The following SPRING1 variants were observed in gnomAD, a reference collection of about 807,000 sequenced individuals.
SPRING1 encodes the protein SREBP regulating gene protein.
Under a neutral mutation model 24.7 loss-of-function variants are expected in SPRING1, and 14 were observed. That is an observed-to-expected ratio of 0.57 (90% CI 0.37 to 0.88). The LOEUF (loss-of-function observed/expected upper bound fraction) is 0.88. Ranked by LOEUF, SPRING1 falls within the 40% of genes least tolerant of loss-of-function variation. The pLI is 0.00. For missense variants in SPRING1, 255 were observed against 268.4 expected (o/e 0.95, Z 0.35); for synonymous variants, 93 against 106.1 (o/e 0.88, Z 0.76).
At chr12:116,734,314 A>C (rs1871127599) in intron 1 of SPRING1, among the ~76,000 whole-genome samples, 1 of 152,212 alleles carries the variant, frequency 6.6e-6, no homozygotes, top group African/African-American at 2.4e-5. Flanking sequence ...CTTAGAGCCT[A>C]GGAGGAATAG....
At position 116,738,040 on chromosome 12, in the gene SPRING1, C is replaced by T. The variant is rs543408182; in HGVS notation, c.-140G>A. On this transcript the variant is annotated 5_prime_UTR_variant, in exon 1 of 5. Coordinates refer to ENST00000261318, the MANE Select transcript of SPRING1 (RefSeq NM_024738.4). Reference sequence around the variant, plus strand: ...CCGCCGCCCGCAGCCCAGTCTGCTCCCGGCAGCCTTGGGCGCAGCCCCACG... The same window carrying T: ...CCGCCGCCCGCAGCCCAGTCTGCTCTCGGCAGCCTTGGGCGCAGCCCCACG... 14 of 1,095,554 alleles carry T rather than the reference C, an allele frequency of 1.3e-5. No individual in the cohort carries two copies. Among genetic ancestry groups the T allele is most frequent in the Non-Finnish European group, 1.3e-5 (12 of 901,866 alleles). 67.9% of individuals were successfully genotyped at this position (1,095,554 alleles called of 1,614,324 possible).
rs562697095 is a variant in SPRING1 at position 116,712,333 on chromosome 12, A to G, written c.*5477T>C. 2.7e-4 allele frequency: 41 copies of G among 152,354 alleles called. No homozygotes were observed. The highest frequency in any genetic ancestry group is 9.4e-4 in the African/African-American group (39 of 41,566). The allele number at this position is 152,354 out of a possible 1,614,324, so 9.4% of individuals were successfully genotyped here. ...GACGCAGTCGGCCCATATGCACGTCACCACTCGGCTCCCAGCTCAGGTGCA... is the reference window on the plus strand; with the variant it reads ...GACGCAGTCGGCCCATATGCACGTCGCCACTCGGCTCCCAGCTCAGGTGCA... On this transcript the variant is annotated 3_prime_UTR_variant, in exon 5 of 5. Coordinates refer to ENST00000261318, the MANE Select transcript of SPRING1 (RefSeq NM_024738.4).
intron 1 of SPRING1, among the ~76,000 whole-genome samples, chr12:116,737,323 G>A (rs1488112128): frequency 1.3e-5 from 2 of 152,132 alleles, no homozygotes; most frequent in South Asian, 2.1e-4. Context: ...GGAAAAAGAG[G>A]AGGAAGGGAA....
rs902027347 is a variant in SPRING1, at chr12:116,731,072, G to A, written c.111+6718C>T. Among the ~76,000 whole-genome samples the A allele has an allele frequency of 5.3e-5, 8 of 152,348 alleles. No homozygotes were observed. In the South Asian group the frequency reaches 6.2e-4, roughly 12 times the overall value. ...CCCATCATATTTCTGTAGGCAGAAC[G>A]TACTGTTAGGCATATTTCCCATTTC... On this transcript the variant is annotated intron_variant, in intron 1 of 4. Transcript: ENST00000261318.
chr12:116,733,395 G>A (rs1366908504), intron 1 of SPRING1, among the ~76,000 whole-genome samples: 1 of 142,158 alleles, frequency 7.0e-6, no homozygotes, highest in Non-Finnish European at 1.5e-5. Context: ...TGTTAGCCAG[G>A]ATGATCTCAA....
At chr12:116,729,584 A>G (rs747203829) in intron 1 of SPRING1, among the ~76,000 whole-genome samples, 15 of 152,290 alleles carry the variant, frequency 9.8e-5, no homozygotes, top group Non-Finnish European at 1.8e-4. Flanking sequence ...ATGTCTCTCA[A>G]TAAAGAATGA....
intron 1 of SPRING1, among the ~76,000 whole-genome samples, chr12:116,734,851 G>A (rs1871149755): frequency 6.6e-6 from 1 of 152,224 alleles, no homozygotes; most frequent in Non-Finnish European, 1.5e-5. Context: ...ATTCAACCAT[G>A]CAGAGATCCT....
rs574507706 is a variant in SPRING1, at chr12:116,738,031, A to C, written c.-131T>G. 9.1e-7 allele frequency: 1 copy of C among 1,100,878 alleles called. No homozygotes were observed. Among genetic ancestry groups the C allele is most frequent in the East Asian group, 6.1e-5 (1 of 16,356 alleles). 68.2% of individuals were successfully genotyped at this position (1,100,878 alleles called of 1,614,324 possible). A position where few individuals can be genotyped will look rare whatever the true frequency, so the allele number is the denominator to read the frequency against. ...GCGCCGGCCCCGCCGCCCGCAGCCC[A>C]GTCTGCTCCCGGCAGCCTTGGGCGC... On this transcript the variant is annotated 5_prime_UTR_variant, in exon 1 of 5. Coordinates refer to ENST00000261318, the MANE Select transcript of SPRING1 (RefSeq NM_024738.4).
chr12:116,733,270 C>A (rs1328381341), intron 1 of SPRING1, among the ~76,000 whole-genome samples: 3 of 151,796 alleles, frequency 2.0e-5, no homozygotes, highest in African/African-American at 7.3e-5. Flanking sequence ...GCAACCTCCG[C>A]CTCCTGGGTT....
intron 1 of SPRING1, among the ~76,000 whole-genome samples, chr12:116,723,938 A>G (rs1870561073): frequency 6.6e-6 from 1 of 152,214 alleles, no homozygotes; most frequent in South Asian, 2.1e-4. Context: ...GCTAGGAGCC[A>G]GCTTACAAAA....
rs888185299 is a variant in SPRING1 at position 116,738,048 on chromosome 12, C to T, written c.-148G>A. 55 of 1,090,898 alleles carry T rather than the reference C, an allele frequency of 5.0e-5. No individual in the cohort carries two copies. The highest frequency in any genetic ancestry group is 8.0e-4 in the Middle Eastern group (2 of 2,496). 67.6% of individuals were successfully genotyped at this position (1,090,898 alleles called of 1,614,324 possible). ...CGCAGCCCAGTCTGCTCCCGGCAGC[C>T]TTGGGCGCAGCCCCACGTGACCCCG... On this transcript the variant is annotated 5_prime_UTR_variant, in exon 1 of 5. Coordinates refer to ENST00000261318, the MANE Select transcript of SPRING1 (RefSeq NM_024738.4).
rs1336817493 is a variant in SPRING1 at position 116,712,103 on chromosome 12, A to C, written c.*5707T>G. On this transcript the variant is annotated 3_prime_UTR_variant, in exon 5 of 5. Coordinates refer to ENST00000261318, the MANE Select transcript of SPRING1 (RefSeq NM_024738.4). Reference sequence around the variant, plus strand: ...TGTCTTGGTCCCTCTGGTCTCACAGAATGTGTAGTCCTGAGAAAAAATAAA... The same window carrying C: ...TGTCTTGGTCCCTCTGGTCTCACAGCATGTGTAGTCCTGAGAAAAAATAAA... 7 of 152,254 alleles carry C rather than the reference A, an allele frequency of 4.6e-5. No homozygotes were observed. Among genetic ancestry groups the C allele is most frequent in the Non-Finnish European group, 7.3e-5 (5 of 68,050 alleles). 9.4% of individuals were successfully genotyped at this position (152,254 alleles called of 1,614,324 possible).
chr12:116,717,932 G>GCACAGCTTCA lies in SPRING1; in HGVS notation c.535-49_535-40dup. 1 of 1,492,090 alleles carries GCACAGCTTCA rather than the reference G, an allele frequency of 6.7e-7. No homozygotes were observed. The highest frequency in any genetic ancestry group is 9.1e-7 in the Non-Finnish European group (1 of 1,096,758). 92.4% of individuals were successfully genotyped at this position (1,492,090 alleles called of 1,614,324 possible). A position where few individuals can be genotyped will look rare whatever the true frequency, so the allele number is the denominator to read the frequency against. On this transcript the variant is annotated intron_variant, in intron 4 of 4. Coordinates refer to ENST00000261318, the MANE Select transcript of SPRING1 (RefSeq NM_024738.4). This position sits in a 1 kb window ranked among gnomAD's most constrained non-coding sequence, Gnocchi z 4.2. ...GAAAATAAGAGCGCAGTGAGAGCGA[G>GCACAGCTTCA]CACAGCTTCACACACCTCCCTCTCG... is the stretch of plus-strand genomic sequence containing the variant.
intron 1 of SPRING1, among the ~76,000 whole-genome samples, chr12:116,723,589 C>T (rs1870545111): frequency 6.6e-6 from 1 of 152,144 alleles, no homozygotes. Flanking sequence ...AAAACAAATA[C>T]ATTGTGGAAC....
In SPRING1 at chr12:116,717,849, A is replaced by G. The variant is rs1870228228; in HGVS notation, c.579T>C (p.Tyr193=). The change falls in exon 5 of 5, where the codon TAT becomes TAC. Residue 193 remains tyrosine, a synonymous_variant. Coordinates refer to ENST00000261318, the MANE Select transcript of SPRING1 (RefSeq NM_024738.4). The surrounding 1 kb of genome is among the most constrained non-coding windows in gnomAD (Gnocchi z 4.2). ...GCTCGGGCGGGCTTTCTCCATAGCA[A>G]TACTTTGCTATGGGGTCCCGGTAGG... The part of the protein sequence containing the change: ...ENTYRDPIAK[Y]CYGESPPELF... 1.2e-6 allele frequency: 2 copies of G among 1,608,356 alleles called. No individual in the cohort carries two copies. The highest frequency in any genetic ancestry group is 1.7e-6 in the Non-Finnish European group (2 of 1,177,514).
chr12:116,725,217 T>C (rs540639129), intron 1 of SPRING1, among the ~76,000 whole-genome samples: 7 of 152,332 alleles, frequency 4.6e-5, no homozygotes, highest in Non-Finnish European at 1.0e-4. Context: ...AAGTTTTAAA[T>C]TGAGCACTGT....
chr12:116,720,515 T>G lies in SPRING1; in HGVS notation c.269-68A>C. 1 of 1,575,840 alleles carries G rather than the reference T, an allele frequency of 6.3e-7. No individual in the cohort carries two copies. Among genetic ancestry groups the G allele is most frequent in the Admixed American group, 1.7e-5 (1 of 57,250 alleles). On this transcript the variant is annotated intron_variant, in intron 2 of 4. Transcript: ENST00000261318. The surrounding 1 kb of genome is among the most constrained non-coding windows in gnomAD (Gnocchi z 4.0). ...GCCACCTCCCTACCAGGGATGACCATGAAGCAGCAGTGAAAGTACACAGAC... is the reference window on the plus strand; with the variant it reads ...GCCACCTCCCTACCAGGGATGACCAGGAAGCAGCAGTGAAAGTACACAGAC...
At chr12:116,730,186 C>G (rs557050115) in intron 1 of SPRING1, among the ~76,000 whole-genome samples, 1 of 151,732 alleles carries the variant, frequency 6.6e-6, no homozygotes, top group Non-Finnish European at 1.5e-5. Context: ...AGGCGTGAGC[C>G]ACCACGCCCA....
chr12:116,737,849 CCCA>C lies in SPRING1; in HGVS notation c.49_51del (p.Trp17del), dbSNP rs781483044. The C allele has an allele frequency of 6.3e-7, 1 of 1,586,646 alleles. No homozygotes were observed. Among genetic ancestry groups the C allele is most frequent in the Admixed American group, 1.7e-5 (1 of 57,788 alleles). On this transcript the variant is annotated inframe_deletion, in exon 1 of 5. Transcript: ENST00000261318. The stretch of plus-strand genomic sequence containing the variant: ...GACAGCCCGAAGACCAGGGCGAGCA[CCCA>C]CCTCTTCCGCAGAAGCCGGCGCCAC...
Sources: allele counts gnomAD v4.1 joint callset (sites outside exome capture counted in the v4.1 genomes callset), GRCh38; gene constraint gnomAD v4.1.1; non-coding constraint Gnocchi (gnomAD v3.1); transcripts MANE v1.5; gene names NCBI Gene and HGNC (gene_info 2026-07-23, HGNC 2026-07-21).